The following SRFBP1 variants were observed in gnomAD, a reference collection of about 807,000 sequenced individuals.
SRFBP1 encodes the protein serum response factor binding protein 1.
SRFBP1 carries 47 observed loss-of-function variants against 45.5 expected under a neutral mutation model. That is an observed-to-expected ratio of 1.03 (90% CI 0.82 to 1.32). The LOEUF (loss-of-function observed/expected upper bound fraction) is 1.32. SRFBP1 is among the 40% of genes most tolerant of loss of function. The probability of loss-of-function intolerance (pLI) is 0.00; values close to 1 mark genes in which losing one functional copy is unlikely to be tolerated. For missense variants in SRFBP1, 621 were observed against 484.6 expected (o/e 1.28, Z -2.64); for synonymous variants, 203 against 166.3 (o/e 1.22, Z -1.70).
chr5:122,020,700 C>T lies in SRFBP1; in HGVS notation c.965C>T (p.Thr322Ile). ...TTTCTTAAAGAAGATACAGGTGAAA[C>T]TCATGGGGATACAAGAAATGACAAA... ...KVFLKEDTGE[T>I]HGDTRNDKIK... Residue 322 changes from threonine (T) to isoleucine (I), a missense_variant, in exon 6 of 8, where the codon ACT becomes ATT. Physicochemically the swap from Thr to Ile is moderately conservative, Grantham distance 89. Coordinates refer to ENST00000339397, the MANE Select transcript of SRFBP1 (RefSeq NM_152546.3). 6.2e-7 allele frequency: 1 copy of T among 1,613,634 alleles called. No homozygotes were observed. Among genetic ancestry groups the T allele is most frequent in the South Asian group, 1.1e-5 (1 of 90,948 alleles).
At chr5:121,972,801 A>G (rs1752226289) in intron 1 of SRFBP1, among the ~76,000 whole-genome samples, 1 of 151,978 alleles carries the variant, frequency 6.6e-6, no homozygotes, top group African/African-American at 2.4e-5. Context: ...ATTGAATATT[A>G]TGAGTGATGA....
intron 4 of SRFBP1, among the ~76,000 whole-genome samples, chr5:122,005,550 G>T (rs1435937310): frequency 6.6e-6 from 1 of 151,942 alleles, no homozygotes; most frequent in Non-Finnish European, 1.5e-5. Context: ...TCTCTTATAG[G>T]CAGCATATGG....
chr5:122,052,906 A>T (rs1056400769), intron 2 of SRFBP1, among the ~76,000 whole-genome samples: 22 of 151,202 alleles, frequency 1.5e-4, no homozygotes, highest in African/African-American at 5.1e-4. Flanking sequence ...TGTCCTTTCG[A>T]TGGATTTTTT....
At chr5:122,034,844 A>T (rs1417668729) in intron 2 of SRFBP1, among the ~76,000 whole-genome samples, 1 of 151,440 alleles carries the variant, frequency 6.6e-6, no homozygotes, top group African/African-American at 2.4e-5. Flanking sequence ...TATTTTTGAT[A>T]CTTAAAAGAA....
At chr5:121,963,659 C>G (rs1458311280) in intron 1 of SRFBP1, among the ~76,000 whole-genome samples, 1 of 152,116 alleles carries the variant, frequency 6.6e-6, no homozygotes, top group Non-Finnish European at 1.5e-5. Context: ...TCTGGAAACA[C>G]TTATGTAACT....
intron 2 of SRFBP1, among the ~76,000 whole-genome samples, chr5:122,038,178 G>T (rs565472772): frequency 6.6e-6 from 1 of 152,262 alleles, no homozygotes; most frequent in Non-Finnish European, 1.5e-5. Context: ...ACCAATGAGA[G>T]TTTGGAATTT....
At chr5:122,077,511 G>C (rs1430940403), downstream of SRFBP1, 1 of 1,613,826 alleles carries the variant, frequency 6.2e-7, no homozygotes, top group Non-Finnish European at 8.5e-7. The surrounding 1 kb of genome is among the most constrained non-coding windows in gnomAD (Gnocchi z 4.9). Context: ...CGGCTGGGCG[G>C]CCGCAGGTTA....
chr5:121,981,154 A>T (rs1580504718), intron 3 of SRFBP1, among the ~76,000 whole-genome samples: 1 of 151,580 alleles, frequency 6.6e-6, no homozygotes, highest in African/African-American at 2.4e-5. Context: ...GGTTGGGGAG[A>T]TGGGGATGAT....
At chr5:122,015,420 G>A (rs1350990749) in intron 4 of SRFBP1, among the ~76,000 whole-genome samples, 5 of 152,052 alleles carry the variant, frequency 3.3e-5, no homozygotes, top group Non-Finnish European at 5.9e-5. Flanking sequence ...CTTTCTTCCT[G>A]ATTTTTTAGT....
chr5:122,033,132 A>ATT (rs999274942), downstream of SRFBP1, among the ~76,000 whole-genome samples: 6 of 139,484 alleles, frequency 4.3e-5, no homozygotes, highest in African/African-American at 1.6e-4. Flanking sequence ...AATTTTTTGA[A>ATT]TTTTTTTTTT....
chr5:122,038,204 G>A (rs1479826398), intron 2 of SRFBP1, among the ~76,000 whole-genome samples: 1 of 152,146 alleles, frequency 6.6e-6, no homozygotes, highest in Non-Finnish European at 1.5e-5. Context: ...TATAGTACAG[G>A]TAGCACTATT....
In SRFBP1 at chr5:122,026,994, A is replaced by G. The variant is rs777271808; in HGVS notation, c.1158A>G (p.Ser386=). ...AGAATCAGTTTAATAAGAAGCTATC[A>G]GGAAGACTTGAAAATACAAAACAGC... ...QIKNQFNKKL[S]GRLENTKQQL... is the part of the protein sequence containing the mutation. The change falls in exon 8 of 8, where the codon TCA becomes TCG. Residue 386 remains serine, a synonymous_variant. Transcript: ENST00000339397. The G allele has an allele frequency of 6.2e-7, 1 of 1,613,216 alleles. No individual in the cohort carries two copies. Among genetic ancestry groups the G allele is most frequent in the Admixed American group, 1.7e-5 (1 of 59,878 alleles).
At chr5:122,064,029 T>A (rs1754235125) in intron 2 of SRFBP1, 1 of 151,950 alleles carries the variant, frequency 6.6e-6, no homozygotes, top group South Asian at 2.1e-4. Context: ...TAACCCAGAC[T>A]GTGGTCTGAA....
At chr5:122,054,824 T>C (rs900455064) in intron 2 of SRFBP1, among the ~76,000 whole-genome samples, 1 of 152,220 alleles carries the variant, frequency 6.6e-6, no homozygotes, top group Non-Finnish European at 1.5e-5. Flanking sequence ...ACCCCAGCTA[T>C]AAAAATATGA....
intron 2 of SRFBP1, among the ~76,000 whole-genome samples, chr5:122,046,390 G>A (rs1157586573): frequency 6.6e-6 from 1 of 152,082 alleles, no homozygotes; most frequent in Admixed American, 6.6e-5. Context: ...CAGTTTTTAT[G>A]GCTGCATAGT....
At chr5:122,077,604 C>T (rs372434500), downstream of SRFBP1, 23 of 1,612,294 alleles carry the variant, frequency 1.4e-5, no homozygotes, top group Non-Finnish European at 1.9e-5. The surrounding 1 kb of genome is among the most constrained non-coding windows in gnomAD (Gnocchi z 4.9). Flanking sequence ...GTCGAGTAGC[C>T]AGCTTGGAAC....
At position 122,074,155 on chromosome 5, in the gene SRFBP1, A is replaced by C. The variant is rs876657852; in HGVS notation, n.312-1160A>C. On this transcript the variant is annotated intron_variant and non_coding_transcript_variant, in intron 2 of 2. Transcript: ENST00000504881. Reference sequence around the variant, plus strand: ...CAGGTCATAGTGGCTAAACTCATCCATACTGTGGTAATGTCTGATGTCCCA... The same window carrying C: ...CAGGTCATAGTGGCTAAACTCATCCCTACTGTGGTAATGTCTGATGTCCCA... The C allele has an allele frequency of 1.2e-6, 2 of 1,614,074 alleles. No homozygotes were observed. Among genetic ancestry groups the C allele is most frequent in the Non-Finnish European group, 1.7e-6 (2 of 1,179,922 alleles).
intron 1 of SRFBP1, among the ~76,000 whole-genome samples, chr5:121,973,323 A>T (rs77386431): frequency 0.037 from 5,633 of 151,906 alleles, 299 homozygotes; most frequent in African/African-American, 0.11. Context: ...CATTGAAGGT[A>T]TCACTGGAAT....
At position 121,975,342 on chromosome 5, in the gene SRFBP1, C is replaced by T; in HGVS notation, c.153C>T (p.Asn51=). ...GTACTGAAGATGCACTGTTAAAAAA[C>T]CAAAGACGGGCGCAAAGATTGCTTG... ...KKGTEDALLK[N]QRRAQRLLEE... is the part of the protein sequence containing the mutation. The change falls in exon 3 of 8, where the codon AAC becomes AAT. Residue 51 remains asparagine, a synonymous_variant. Transcript: ENST00000339397. 6.2e-7 allele frequency: 1 copy of T among 1,613,228 alleles called. No homozygotes were observed. Among genetic ancestry groups the T allele is most frequent in the Admixed American group, 1.7e-5 (1 of 59,966 alleles).
Sources: allele counts gnomAD v4.1 joint callset (sites outside exome capture counted in the v4.1 genomes callset), GRCh38; gene constraint gnomAD v4.1.1; non-coding constraint Gnocchi (gnomAD v3.1); transcripts MANE v1.5; gene names NCBI Gene and HGNC (gene_info 2026-07-23, HGNC 2026-07-21).